Variants in NCAM2 observed in about 807,000 individuals in gnomAD.
NCAM2 encodes the protein N-CAM-2.
Under a neutral mutation model 98.1 loss-of-function variants are expected in NCAM2, and 30 were observed. The observed-to-expected ratio is 0.31, with a 90% CI of 0.23 to 0.41. The LOEUF is 0.41. Among genes scored for constraint, NCAM2 ranks in the 10% least tolerant of loss-of-function variants. The pLI is 1.00. For missense variants in NCAM2, 867 were observed against 1,005.8 expected, an observed-to-expected ratio of 0.86 and a Z score of 1.87; for synonymous variants, 368 against 342.4, an observed-to-expected ratio of 1.07 and a Z score of -0.83.
intron 1 of NCAM2, among the ~76,000 whole-genome samples, chr21:21,235,101 T>C (rs2070766703): frequency 6.6e-6 from 1 of 152,020 alleles, no homozygotes; most frequent in Non-Finnish European, 1.5e-5. Context: ...AGCACCTTTT[T>C]TCTTAGGTAA....
intron 1 of NCAM2, among the ~76,000 whole-genome samples, chr21:21,037,693 A>G (rs946618848): frequency 2.0e-5 from 3 of 152,196 alleles, no homozygotes; most frequent in African/African-American, 4.8e-5. Context: ...CACTGTAGAC[A>G]TATTACTGGA....
rs1339511668 is a variant in NCAM2 at position 21,298,923 on chromosome 21, C to G, written c.619+6682C>G. On this transcript the variant is annotated intron_variant, in intron 5 of 17. Coordinates refer to ENST00000400546, the MANE Select transcript of NCAM2 (RefSeq NM_004540.5). ...CTGAATTTATCTGTTTCAAGTGTAACAGTCTTCTGCTTGTTGATTAGGGGC... is the reference window on the plus strand; with the variant it reads ...CTGAATTTATCTGTTTCAAGTGTAAGAGTCTTCTGCTTGTTGATTAGGGGC... Among the ~76,000 whole-genome samples the G allele has an allele frequency of 7.3e-5, 11 of 150,968 alleles. No individual in the cohort carries two copies. In the Admixed American group the frequency reaches 7.3e-4, roughly 10 times the overall value.
chr21:21,092,677 GA>G (rs5842881), intron 1 of NCAM2, among the ~76,000 whole-genome samples: 151,934 of 151,938 alleles, frequency 1, 75,965 homozygotes, highest in Middle Eastern at 1. Context: ...AAATACGCTA[GA>G]AAAATCTAGG....
intron 1 of NCAM2, among the ~76,000 whole-genome samples, chr21:21,259,512 C>G (rs1208388082): frequency 6.6e-6 from 1 of 152,130 alleles, no homozygotes; most frequent in Non-Finnish European, 1.5e-5. Context: ...CACCCCTAGT[C>G]AGGGTGGATG....
intron 1 of NCAM2, among the ~76,000 whole-genome samples, chr21:21,085,369 T>C (rs1317843154): frequency 2.0e-5 from 3 of 152,146 alleles, no homozygotes; most frequent in Admixed American, 6.5e-5. Flanking sequence ...GCCCTTTCTG[T>C]CATGGAACTT....
chr21:21,386,182 A>C (rs191743847), intron 9 of NCAM2, among the ~76,000 whole-genome samples: 181 of 152,240 alleles, frequency 1.2e-3, no homozygotes, highest in African/African-American at 3.9e-3. Context: ...TACATTCTCT[A>C]TATATAAAGT....
At chr21:21,340,115 T>C (rs1056709390) in intron 8 of NCAM2, among the ~76,000 whole-genome samples, 19 of 151,874 alleles carry the variant, frequency 1.3e-4, no homozygotes, top group African/African-American at 4.3e-4. Flanking sequence ...TCTGAAACCA[T>C]AGAGGATTGT....
rs149595362 is a variant in NCAM2, at chr21:21,538,007, C to T, written c.*50C>T. 111 of 1,124,274 alleles carry T rather than the reference C, an allele frequency of 9.9e-5. No homozygotes were observed. The Admixed American group carries it at 1.6e-3, about 16-fold the overall frequency. The allele number at this position is 1,124,274 out of a possible 1,614,324, so 69.6% of individuals were successfully genotyped here. A position where few individuals can be genotyped will look rare whatever the true frequency, so the allele number is the denominator to read the frequency against. On this transcript the variant is annotated 3_prime_UTR_variant, in exon 18 of 18. Transcript: ENST00000400546. Reference sequence around the variant, plus strand: ...AACACTACGAAGAGTATTTGGATTGCGTGACCCTATGACCAAAACTATTCC... The same window carrying T: ...AACACTACGAAGAGTATTTGGATTGTGTGACCCTATGACCAAAACTATTCC...
At chr21:21,288,371 C>T (rs926655327) in intron 4 of NCAM2, among the ~76,000 whole-genome samples, 3 of 151,792 alleles carry the variant, frequency 2.0e-5, no homozygotes, top group African/African-American at 4.8e-5. Context: ...CTCATTCCTT[C>T]TCTATGAGTT....
At chr21:21,351,530 A>G (rs980227528) in intron 8 of NCAM2, among the ~76,000 whole-genome samples, 1 of 152,170 alleles carries the variant, frequency 6.6e-6, no homozygotes, top group Non-Finnish European at 1.5e-5. Flanking sequence ...AAAATTTTGA[A>G]TTATCTTGTA....
At chr21:21,046,551 A>G (rs1403690791) in intron 1 of NCAM2, among the ~76,000 whole-genome samples, 2 of 152,114 alleles carry the variant, frequency 1.3e-5, no homozygotes, top group South Asian at 4.1e-4. Flanking sequence ...AACACTTCCA[A>G]CCAACACTTA....
At chr21:21,390,745 A>G (rs552192138) in intron 9 of NCAM2, among the ~76,000 whole-genome samples, 88 of 152,230 alleles carry the variant, frequency 5.8e-4, no homozygotes, top group Non-Finnish European at 1.2e-3. Flanking sequence ...TAAGAAATGC[A>G]TGCAATTCTA....
chr21:21,254,412 C>T (rs1032051303), intron 1 of NCAM2, among the ~76,000 whole-genome samples: 1 of 152,160 alleles, frequency 6.6e-6, no homozygotes, highest in African/African-American at 2.4e-5. Flanking sequence ...GGTCAATTGC[C>T]TGCAATAGAA....
chr21:21,145,458 C>T (rs1031158387), intron 1 of NCAM2, among the ~76,000 whole-genome samples: 1 of 152,082 alleles, frequency 6.6e-6, no homozygotes, highest in Non-Finnish European at 1.5e-5. Context: ...CATAAAAATT[C>T]TTTTGTCCAT....
chr21:21,096,916 T>C (rs1365247768), intron 1 of NCAM2, among the ~76,000 whole-genome samples: 1 of 151,728 alleles, frequency 6.6e-6, no homozygotes, highest in African/African-American at 2.4e-5. Context: ...CTTAACCAAT[T>C]TTCTCTGACT....
intron 1 of NCAM2, among the ~76,000 whole-genome samples, chr21:21,272,517 C>T (rs905100416): frequency 1.1e-4 from 17 of 149,510 alleles, no homozygotes; most frequent in Non-Finnish European, 2.2e-4. Context: ...CGCACACACA[C>T]ACACACACAC....
intron 1 of NCAM2, among the ~76,000 whole-genome samples, chr21:21,186,677 C>T (rs998270739): frequency 3.3e-5 from 5 of 152,026 alleles, no homozygotes; most frequent in Admixed American, 6.5e-5. Context: ...CATGATTTAT[C>T]TGAGTAGATC....
chr21:21,286,459 C>T lies in NCAM2; in HGVS notation c.481+47C>T, dbSNP rs201311347. The T allele has an allele frequency of 7.8e-4, 1,200 of 1,539,440 alleles. 27 individuals carry two copies. The South Asian group carries it at 0.014, about 18-fold the overall frequency. On this transcript the variant is annotated intron_variant, in intron 4 of 17. Transcript: ENST00000400546. ...TAAGTTATATGTTCTAATACTATTG[C>T]AGTTTTTAAAAATCTGAATCTATGT...
chr21:21,242,949 CAT>C (rs1211893529), intron 1 of NCAM2, among the ~76,000 whole-genome samples: 1 of 152,044 alleles, frequency 6.6e-6, no homozygotes, highest in Non-Finnish European at 1.5e-5. Context: ...TTGAAGAAAA[CAT>C]ATAGGGAAAG....
Sources: allele counts gnomAD v4.1 joint callset (sites outside exome capture counted in the v4.1 genomes callset), GRCh38; gene constraint gnomAD v4.1.1; transcripts MANE v1.5; gene names NCBI Gene and HGNC (gene_info 2026-07-23, HGNC 2026-07-21).